The following MACROD2 variants were observed in gnomAD, a reference collection of about 807,000 sequenced individuals.
MACROD2 encodes mono-ADP ribosylhydrolase 2.
In MACROD2, 36 loss-of-function variants were observed where a neutral mutation model predicts 70.4. The ratio of observed to expected loss-of-function variants is 0.51; its 90% CI spans 0.39 to 0.68. MACROD2 has a LOEUF of 0.68. MACROD2 is among the 30% of genes least tolerant of loss of function. The pLI, the probability that MACROD2 is intolerant of heterozygous loss-of-function variation, is 0.00. For missense variants in MACROD2, 496 were observed against 538.4 expected (o/e 0.92, Z 0.78); for synonymous variants, 172 against 178.8 (o/e 0.96, Z 0.30).
At position 15,229,976 on chromosome 20, in the gene MACROD2, A is replaced by G. The variant is rs1161727606; in HGVS notation, c.455A>G (p.His152Arg). 2.5e-6 allele frequency: 4 copies of G among 1,613,862 alleles called. No homozygotes were observed. The highest frequency in any genetic ancestry group is 3.4e-6 in the Non-Finnish European group (4 of 1,179,802). Residue 152 changes from histidine to arginine, a missense_variant, in exon 6 of 18, where the codon CAT (histidine) becomes CGT (arginine). Coordinates refer to ENST00000684519, the MANE Select transcript of MACROD2 (RefSeq NM_001351661.2). ...ACTGTAGGGCCAATAGCCAGGGGCC[A>G]TATTAATGGTTCCCACAAGGAAGAC... is the stretch of plus-strand genomic sequence containing the variant. ...IHTVGPIARG[H>R]INGSHKEDLA...
At chr20:15,511,083 C>T (rs2047492618) in intron 8 of MACROD2, among the ~76,000 whole-genome samples, 1 of 152,182 alleles carries the variant, frequency 6.6e-6, no homozygotes, top group African/African-American at 2.4e-5. Context: ...GAAATACTGG[C>T]CTTAGACTCG....
chr20:15,200,456 T>A (rs759952257), intron 5 of MACROD2, among the ~76,000 whole-genome samples: 46 of 152,214 alleles, frequency 3.0e-4, no homozygotes, highest in Non-Finnish European at 5.3e-4. Context: ...AAAGACTCAT[T>A]TACCAGTATG....
At chr20:14,083,041 A>G (rs2054019869) in intron 2 of MACROD2, among the ~76,000 whole-genome samples, 1 of 151,952 alleles carries the variant, frequency 6.6e-6, no homozygotes, top group Non-Finnish European at 1.5e-5. Flanking sequence ...TATTTAAAAT[A>G]AAATATTTTG....
chr20:14,311,652 G>A (rs575370055), intron 3 of MACROD2, among the ~76,000 whole-genome samples: 9 of 152,200 alleles, frequency 5.9e-5, no homozygotes, highest in Admixed American at 5.9e-4. Flanking sequence ...CAAGTAGCTG[G>A]GATTACAGAT....
At chr20:14,034,168 G>T (rs559852689) in intron 2 of MACROD2, among the ~76,000 whole-genome samples, 26 of 152,188 alleles carry the variant, frequency 1.7e-4, no homozygotes, top group Admixed American at 5.2e-4. Context: ...TAGAGACGGG[G>T]TTTCACCATG....
intron 8 of MACROD2, among the ~76,000 whole-genome samples, chr20:15,548,347 T>C (rs1408546068): frequency 6.6e-6 from 1 of 152,160 alleles, no homozygotes; most frequent in Admixed American, 6.6e-5. Context: ...GAGGAGTCTG[T>C]GTTCCCTCCC....
chr20:15,109,810 A>G (rs922542960), intron 5 of MACROD2, among the ~76,000 whole-genome samples: 2 of 152,202 alleles, frequency 1.3e-5, no homozygotes, highest in African/African-American at 4.8e-5. Context: ...AAAGTCAAGC[A>G]TTTGTTTAAA....
intron 4 of MACROD2, among the ~76,000 whole-genome samples, chr20:14,682,420 T>C (rs995997193): frequency 6.6e-6 from 1 of 151,470 alleles, no homozygotes; most frequent in Admixed American, 6.6e-5. Flanking sequence ...TATGTGTGTG[T>C]GCTGAATATA....
intron 15 of MACROD2, among the ~76,000 whole-genome samples, chr20:16,002,070 A>G (rs2066717056): frequency 6.6e-6 from 1 of 151,918 alleles, no homozygotes; most frequent in Admixed American, 6.6e-5. Context: ...ATGTGTGTAT[A>G]TACATAAATA....
At chr20:15,973,129 G>T (rs1184176490) in intron 13 of MACROD2, among the ~76,000 whole-genome samples, 1 of 152,070 alleles carries the variant, frequency 6.6e-6, no homozygotes. Flanking sequence ...TGCCTGGCTG[G>T]ATGGTTATCA....
intron 5 of MACROD2, among the ~76,000 whole-genome samples, chr20:14,776,687 C>T (rs1444101870): frequency 2.0e-5 from 3 of 151,964 alleles, no homozygotes; most frequent in Non-Finnish European, 4.4e-5. Context: ...CATAATATTT[C>T]ACTATTTTAA....
chr20:14,030,972 A>G (rs1192225057), intron 2 of MACROD2, among the ~76,000 whole-genome samples: 1 of 152,186 alleles, frequency 6.6e-6, no homozygotes, highest in Admixed American at 6.5e-5. Context: ...CTTCTTCCAC[A>G]TACTCAAATT....
chr20:15,459,869 C>G (rs918672731), intron 7 of MACROD2, among the ~76,000 whole-genome samples: 5 of 151,924 alleles, frequency 3.3e-5, no homozygotes, highest in African/African-American at 1.2e-4. Flanking sequence ...TGGGGGCCAC[C>G]CTTCTCCACC....
chr20:14,474,851 T>C (rs6110305), intron 3 of MACROD2, among the ~76,000 whole-genome samples: 22,446 of 152,126 alleles, frequency 0.15, 1,845 homozygotes, highest in East Asian at 0.26. Context: ...TTTTAGGCTA[T>C]GTATTTACTT....
At chr20:14,663,519 T>TACACACACACACAC (rs10606501) in intron 4 of MACROD2, among the ~76,000 whole-genome samples, 14 of 141,468 alleles carry the variant, frequency 9.9e-5, no homozygotes, top group African/African-American at 3.2e-4. Flanking sequence ...CAGGGATGTA[T>TACACACACACACAC]ACACACACAC....
chr20:15,769,452 T>A (rs1286510988), intron 8 of MACROD2, among the ~76,000 whole-genome samples: 2 of 152,194 alleles, frequency 1.3e-5, no homozygotes, highest in African/African-American at 2.4e-5. Context: ...CCACCTAATA[T>A]AATTATTTAT....
intron 3 of MACROD2, among the ~76,000 whole-genome samples, chr20:14,220,522 C>T (rs1284471292): frequency 6.6e-6 from 1 of 152,142 alleles, no homozygotes; most frequent in East Asian, 1.9e-4. Context: ...ACTGAATTTG[C>T]ACCCTCCTTC....
At chr20:15,414,146 C>A (rs1490401314) in intron 6 of MACROD2, among the ~76,000 whole-genome samples, 1 of 151,748 alleles carries the variant, frequency 6.6e-6, no homozygotes, top group Non-Finnish European at 1.5e-5. Context: ...GTTAAGTTTC[C>A]TGTAATTTGC....
At chr20:15,075,791 G>T (rs2075652763) in intron 5 of MACROD2, among the ~76,000 whole-genome samples, 1 of 152,118 alleles carries the variant, frequency 6.6e-6, no homozygotes, top group Admixed American at 6.5e-5. Flanking sequence ...ACTCGTCATG[G>T]CAGGGGGCAG....
Sources: gnomAD v4.1 joint callset for allele counts (sites outside exome capture counted in the v4.1 genomes callset) on GRCh38, gnomAD v4.1.1 for gene constraint, MANE v1.5 for transcripts, NCBI Gene and HGNC (gene_info 2026-07-23, HGNC 2026-07-21) for gene names.